The following CRYGN variants were observed in gnomAD, a reference collection of about 807,000 sequenced individuals.
CRYGN encodes gamma-crystallin N.
In CRYGN, 17 loss-of-function variants were observed where a neutral mutation model predicts 19.2. That is an observed-to-expected ratio of 0.89 (90% CI 0.61 to 1.33). The LOEUF (loss-of-function observed/expected upper bound fraction) is 1.33. Ranked by LOEUF, CRYGN falls within the 40% of genes most tolerant of loss-of-function variation. The pLI, the probability that CRYGN is intolerant of heterozygous loss-of-function variation, is 0.00. For synonymous variants in CRYGN, 84 were observed against 85.8 expected, an observed-to-expected ratio of 0.98 and a Z score of 0.12; for missense variants, 239 against 239.6, an observed-to-expected ratio of 1.00 and a Z score of 0.02.
intron 1 of CRYGN, among the ~76,000 whole-genome samples, chr7:151,438,644 G>T (rs1203738635): frequency 6.6e-6 from 1 of 152,218 alleles, no homozygotes; most frequent in East Asian, 1.9e-4. Flanking sequence ...GTTTTCAAAA[G>T]AAGAAATTTC....
rs1401189938 is a variant in CRYGN at position 151,439,944 on chromosome 7, C to T, written c.-27G>A. The T allele has an allele frequency of 6.6e-7, 1 of 1,524,964 alleles. No individual in the cohort carries two copies. Among genetic ancestry groups the T allele is most frequent in the Non-Finnish European group, 8.8e-7 (1 of 1,136,292 alleles). The allele number at this position is 1,524,964 out of a possible 1,614,324, so 94.5% of individuals were successfully genotyped here. On this transcript the variant is annotated 5_prime_UTR_variant, in exon 1 of 4. Coordinates refer to ENST00000337323, the MANE Select transcript of CRYGN (RefSeq NM_144727.3). ...GTGCGCCCCGCCCCTTCCGCGGGTC[C>T]CCGTTTACACCGGGCAGCGCCCTGC...
Position 151,436,632 on chromosome 7 carries a change from G to A in CRYGN, c.271-307C>T, listed in dbSNP as rs1416954694. Among the ~76,000 whole-genome samples, 2 of 152,170 alleles carry A rather than the reference G, an allele frequency of 1.3e-5. No homozygotes were observed. Among genetic ancestry groups the A allele is most frequent in the African/African-American group, 4.8e-5 (2 of 41,420 alleles). On this transcript the variant is annotated intron_variant, in intron 2 of 3. Transcript: ENST00000337323. The surrounding 1 kb of genome is among the most constrained non-coding windows in gnomAD (Gnocchi z 5.1). The stretch of plus-strand genomic sequence containing the variant: ...AGGCCAGCGGTCACACTCAGACCAG[G>A]GCTGGGGTCACGGGGCTCCCTCTGG...
chr7:151,440,408 T>G, upstream of CRYGN: 1 of 160,044 alleles, frequency 6.2e-6, no homozygotes, highest in Non-Finnish European at 1.4e-5. Context: ...CAACCCAAGC[T>G]TCCCCGGACA....
Position 151,432,210 on chromosome 7 carries a change from C to T in CRYGN, c.417-2030G>A, listed in dbSNP as rs1801486852. 5.7e-6 allele frequency: 7 copies of T among 1,232,178 alleles called. No individual in the cohort carries two copies. The South Asian group carries it at 1.2e-4, about 22-fold the overall frequency. 76.3% of individuals were successfully genotyped at this position (1,232,178 alleles called of 1,614,324 possible). A position where few individuals can be genotyped will look rare whatever the true frequency, so the allele number is the denominator to read the frequency against. ...CTCGTGCGCTGTGGGCCTCCCAGTCCGAGAAGCTGCGGAAGTCGCCACTCT... is the reference window on the plus strand; with the variant it reads ...CTCGTGCGCTGTGGGCCTCCCAGTCTGAGAAGCTGCGGAAGTCGCCACTCT... On this transcript the variant is annotated intron_variant, in intron 3 of 3. Coordinates refer to ENST00000337323, the MANE Select transcript of CRYGN (RefSeq NM_144727.3).
chr7:151,438,944 A>G (rs1447915710), intron 1 of CRYGN: 1 of 152,208 alleles, frequency 6.6e-6, no homozygotes, highest in East Asian at 1.9e-4. Flanking sequence ...CTTGTCCCGA[A>G]ACAAAACAAA....
rs560257075 is a variant in CRYGN at position 151,431,146 on chromosome 7, A to T, written c.417-966T>A. Among the ~76,000 whole-genome samples, 2 of 151,806 alleles carry T rather than the reference A, an allele frequency of 1.3e-5. No homozygotes were observed. The highest frequency in any genetic ancestry group is 1.3e-4 in the Admixed American group (2 of 15,276). ...TCCTCACAGGCAGGCTCCATTCAGG[A>T]CTCTGCTGGAGGGCTGCCGGCAGCA... On this transcript the variant is annotated intron_variant, in intron 3 of 3. Coordinates refer to ENST00000337323, the MANE Select transcript of CRYGN (RefSeq NM_144727.3). The surrounding 1 kb of genome is among the most constrained non-coding windows in gnomAD (Gnocchi z 4.8).
Position 151,435,087 on chromosome 7 carries a change from C to T in CRYGN, c.416+1093G>A, listed in dbSNP as rs187685790. On this transcript the variant is annotated intron_variant, in intron 3 of 3. Transcript: ENST00000337323. The surrounding 1 kb of genome is among the most constrained non-coding windows in gnomAD (Gnocchi z 4.2). ...GTACCACCTGTGCCCAGCTCTGCCT[C>T]GGCCCAGTCTCTGTCTCCCTGCAGT... Among the ~76,000 whole-genome samples, 9 of 152,380 alleles carry T rather than the reference C, an allele frequency of 5.9e-5. No individual in the cohort carries two copies. The East Asian group carries it at 7.7e-4, about 13-fold the overall frequency.
rs1316214204 is a variant in CRYGN at position 151,438,189 on chromosome 7, T to G, written c.77A>C (p.Asp26Ala). The change falls in exon 2 of 4, where the codon GAC (aspartate) becomes GCC (alanine). Residue 26 changes from aspartate to alanine, a missense_variant. By Grantham distance (126) the Asp-to-Ala change is moderately radical. Coordinates refer to ENST00000337323, the MANE Select transcript of CRYGN (RefSeq NM_144727.3). ...GCCCCGGTCCTGGAAGTTGTCACAG[T>G]CCCCGAAGACCTCCAGCTTCTGCCC... ...FTGQKLEVFG[D>A]CDNFQDRGFM... is the part of the protein sequence containing the mutation. 1.9e-6 allele frequency: 3 copies of G among 1,614,062 alleles called. No homozygotes were observed. In the African/African-American group the frequency reaches 4.0e-5, roughly 22 times the overall value.
At position 151,430,132 on chromosome 7, in the gene CRYGN, G is replaced by A. The variant is rs1308524881; in HGVS notation, c.465C>T (p.Ser155=). 2 of 1,612,456 alleles carry A rather than the reference G, an allele frequency of 1.2e-6. No homozygotes were observed. Among genetic ancestry groups the A allele is most frequent in the Non-Finnish European group, 1.7e-6 (2 of 1,178,472 alleles). ...SFGAEDFQLS[S]SLQSDQGPEE... ...CCGGTCCTTGATCTGATTGAAGAGA[G>A]CTGCTCAGCTGGAAGTCCTCAGCTC... Residue 155 remains serine (S), a synonymous_variant, in exon 4 of 4, where the codon AGC becomes AGT. Transcript: ENST00000337323. This position sits in a 1 kb window ranked among gnomAD's most constrained non-coding sequence, Gnocchi z 5.2.
chr7:151,439,698 G>T (rs2150910284), intron 1 of CRYGN, among the ~76,000 whole-genome samples, 199 bp downstream of exon 1: 1 of 152,280 alleles, frequency 6.6e-6, no homozygotes, highest in South Asian at 2.1e-4. Flanking sequence ...GAAGGAAGGA[G>T]TGGAGATGGA....
rs10265041 is a variant in CRYGN at position 151,430,018 on chromosome 7, G to C, written c.*30C>G. 0.057 allele frequency: 47,549 copies of C among 833,644 alleles called. 2,762 individuals are homozygous for C. The highest frequency in any genetic ancestry group is 0.24 in the African/African-American group (14,515 of 60,124). The allele number at this position is 833,644 out of a possible 1,614,324, so 51.6% of individuals were successfully genotyped here. A position where few individuals can be genotyped will look rare whatever the true frequency, so the allele number is the denominator to read the frequency against. On this transcript the variant is annotated 3_prime_UTR_variant, in exon 4 of 4. Transcript: ENST00000337323. This position sits in a 1 kb window ranked among gnomAD's most constrained non-coding sequence, Gnocchi z 5.2. ...ACTCTCCCGGCTCAGAAACGGTGCAGGTGCATTTACATGTCAATCGGTTCC... is the reference window on the plus strand; with the variant it reads ...ACTCTCCCGGCTCAGAAACGGTGCACGTGCATTTACATGTCAATCGGTTCC...
intron 1 of CRYGN, among the ~76,000 whole-genome samples, chr7:151,439,664 G>A (rs1321180824): frequency 6.6e-6 from 1 of 152,136 alleles, no homozygotes; most frequent in Non-Finnish European, 1.5e-5. Context: ...GCTCCTGACT[G>A]CAGGGCGAGG....
At chr7:151,437,573 T>G (rs1801648804) in intron 2 of CRYGN, among the ~76,000 whole-genome samples, 1 of 152,158 alleles carries the variant, frequency 6.6e-6, no homozygotes, top group African/African-American at 2.4e-5. Flanking sequence ...GCTTCCTCCA[T>G]CAGCCATTCC....
intron 3 of CRYGN, among the ~76,000 whole-genome samples, chr7:151,434,319 C>T (rs1472933647): frequency 2.0e-5 from 3 of 152,008 alleles, no homozygotes; most frequent in Non-Finnish European, 4.4e-5. Flanking sequence ...GGGGGTGGGC[C>T]GGGGGGATTG....
Position 151,433,406 on chromosome 7 carries a change from G to A in CRYGN, c.416+2774C>T, listed in dbSNP as rs1801518927. On this transcript the variant is annotated intron_variant, in intron 3 of 3. Transcript: ENST00000337323. The surrounding 1 kb of genome is among the most constrained non-coding windows in gnomAD (Gnocchi z 5.1). ...CTCAGGACAGCTCGGAGCAGGGGCTGGCCCAACCCTGTCCTTCCCTCACCA... is the reference window on the plus strand; with the variant it reads ...CTCAGGACAGCTCGGAGCAGGGGCTAGCCCAACCCTGTCCTTCCCTCACCA... The A allele has an allele frequency of 6.5e-6, 1 of 153,220 alleles. No individual in the cohort carries two copies. The highest frequency in any genetic ancestry group is 2.4e-5 in the African/African-American group (1 of 41,456). 9.5% of individuals were successfully genotyped at this position (153,220 alleles called of 1,614,324 possible). A position where few individuals can be genotyped will look rare whatever the true frequency, so the allele number is the denominator to read the frequency against.
In CRYGN at chr7:151,430,420, G is replaced by T. The variant is rs1339365430; in HGVS notation, c.417-240C>A. Among the ~76,000 whole-genome samples the T allele has an allele frequency of 6.6e-6, 1 of 152,138 alleles. No homozygotes were observed. On this transcript the variant is annotated intron_variant, in intron 3 of 3. Transcript: ENST00000337323. This position sits in a 1 kb window ranked among gnomAD's most constrained non-coding sequence, Gnocchi z 5.2. ...GCCACCCAGCTCTTGGTGGGGAATT[G>T]TCTTGGGTGAATTGGGTGACCCATC...
Position 151,430,362 on chromosome 7 carries a change from G to T in CRYGN, c.417-182C>A, listed in dbSNP as rs1801435638. Among the ~76,000 whole-genome samples the T allele has an allele frequency of 6.6e-6, 1 of 152,052 alleles. No homozygotes were observed. Among genetic ancestry groups the T allele is most frequent in the South Asian group, 2.1e-4 (1 of 4,808 alleles). Reference sequence around the variant, plus strand: ...GGCTGTCATGGGACAGCCTACGGGGGTCCCACAGCAGTCATGGGGCCCCTC... The same window carrying T: ...GGCTGTCATGGGACAGCCTACGGGGTTCCCACAGCAGTCATGGGGCCCCTC... On this transcript the variant is annotated intron_variant, in intron 3 of 3. Coordinates refer to ENST00000337323, the MANE Select transcript of CRYGN (RefSeq NM_144727.3). The surrounding 1 kb of genome is among the most constrained non-coding windows in gnomAD (Gnocchi z 5.2).
chr7:151,430,113 C>G lies in CRYGN; in HGVS notation c.484G>C (p.Gly162Arg). The G allele has an allele frequency of 6.2e-7, 1 of 1,600,804 alleles. No homozygotes were observed. The highest frequency in any genetic ancestry group is 8.6e-7 in the Non-Finnish European group (1 of 1,167,908). Residue 162 changes from glycine (G) to arginine (R), a missense_variant, in exon 4 of 4, where the codon GGA (glycine) becomes CGA (arginine). Coordinates refer to ENST00000337323, the MANE Select transcript of CRYGN (RefSeq NM_144727.3). This position sits in a 1 kb window ranked among gnomAD's most constrained non-coding sequence, Gnocchi z 5.2. ...GGTTTTGTGGTGGCCTCTTCCGGTC[C>G]TTGATCTGATTGAAGAGAGCTGCTC... ...QLSSSLQSDQ[G>R]PEEATTKPAT...
intron 1 of CRYGN, 23 bp from the exon 2 acceptor site, chr7:151,438,267 C>T: frequency 2.5e-6 from 4 of 1,591,194 alleles, no homozygotes; most frequent in Non-Finnish European, 2.6e-6. Flanking sequence ...GGTTACAGAG[C>T]TCAGGGTCAG....
Sources: gnomAD v4.1 joint callset for allele counts (sites outside exome capture counted in the v4.1 genomes callset) on GRCh38, gnomAD v4.1.1 for gene constraint, Gnocchi (gnomAD v3.1) non-coding constraint, MANE v1.5 for transcripts, NCBI Gene and HGNC (gene_info 2026-07-23, HGNC 2026-07-21) for gene names.